PDE10A: variants seen among roughly 807,000 people sequenced by gnomAD.
PDE10A encodes the protein cAMP and cAMP-inhibited cGMP 3',5'-cyclic phosphodiesterase 10A.
A neutral mutation model predicts 97.7 loss-of-function variants in PDE10A; 39 were observed. The ratio of observed to expected loss-of-function variants is 0.40; its 90% CI spans 0.31 to 0.52. The LOEUF (loss-of-function observed/expected upper bound fraction) is 0.52. PDE10A is among the 20% of genes least tolerant of loss of function. The probability of loss-of-function intolerance (pLI) is 0.56; values close to 1 mark genes in which losing one functional copy is unlikely to be tolerated. For missense variants in PDE10A, 731 were observed against 1,047.8 expected (o/e 0.70, Z 4.17); for synonymous variants, 371 against 376.8 (o/e 0.98, Z 0.18).
chr6:165,733,828 A>G (rs951195545), intron 1 of PDE10A, among the ~76,000 whole-genome samples: 1 of 152,130 alleles, frequency 6.6e-6, no homozygotes, highest in African/African-American at 2.4e-5. Flanking sequence ...CTATCTATAA[A>G]GTTATTGTAT....
At chr6:165,752,065 C>A (rs1270607618) in intron 1 of PDE10A, among the ~76,000 whole-genome samples, 1 of 140,808 alleles carries the variant, frequency 7.1e-6, no homozygotes, top group East Asian at 2.1e-4. Flanking sequence ...ATGATGTGAA[C>A]CCGGGAGCCG....
intron 1 of PDE10A, among the ~76,000 whole-genome samples, chr6:165,581,245 A>G (rs1785600569): frequency 6.6e-6 from 1 of 152,202 alleles, no homozygotes; most frequent in Non-Finnish European, 1.5e-5. Context: ...TGACAGAAGA[A>G]CAGTGCTATG....
chr6:165,928,497 G>A lies in PDE10A; in HGVS notation c.-615+59032C>T, dbSNP rs1412991442. Among the ~76,000 whole-genome samples the A allele has an allele frequency of 2.6e-5, 4 of 152,274 alleles. No individual in the cohort carries two copies. The East Asian group carries it at 7.7e-4, about 29-fold the overall frequency. ...CCAGGCATGGGGTGTGAGCTGCTCA[G>A]CCCCTCATGCTCGACTTGAGCTGGT... On this transcript the variant is annotated intron_variant, in intron 1 of 19. Coordinates refer to the PDE10A transcript ENST00000366882.
chr6:165,637,758 T>C (rs1190076488), intron 1 of PDE10A, among the ~76,000 whole-genome samples: 1 of 151,448 alleles, frequency 6.6e-6, no homozygotes, highest in African/African-American at 2.4e-5. Flanking sequence ...GCGGGGCGCG[T>C]CCTCCCAGAT....
intron 18 of PDE10A, among the ~76,000 whole-genome samples, chr6:165,354,321 T>G (rs1334779523): frequency 6.6e-6 from 1 of 152,198 alleles, no homozygotes; most frequent in African/African-American, 2.4e-5. Context: ...TCAGCCATCC[T>G]GAATAAAGAA....
At chr6:165,482,565 C>T (rs1018663663) in intron 2 of PDE10A, among the ~76,000 whole-genome samples, 3 of 152,278 alleles carry the variant, frequency 2.0e-5, no homozygotes, top group East Asian at 1.9e-4. Context: ...ATACCACCAC[C>T]GCCTTACCTT....
chr6:165,388,551 A>G lies in PDE10A; in HGVS notation c.2455-98T>C, dbSNP rs756983522. 10 of 1,051,500 alleles carry G rather than the reference A, an allele frequency of 9.5e-6. No individual in the cohort carries two copies. Among genetic ancestry groups the G allele is most frequent in the Non-Finnish European group, 1.5e-5 (10 of 688,968 alleles). The allele number at this position is 1,051,500 out of a possible 1,614,324, so 65.1% of individuals were successfully genotyped here. On this transcript the variant is annotated intron_variant, in intron 16 of 21. Transcript: ENST00000539869. The surrounding 1 kb of genome is among the most constrained non-coding windows in gnomAD (Gnocchi z 4.0). ...CATGTCACATTACTTTCTGGCATTA[A>G]TATAGCACAAATACAGCATTCTGGC...
chr6:165,629,576 A>G (rs926159442), intron 1 of PDE10A, among the ~76,000 whole-genome samples: 4 of 138,126 alleles, frequency 2.9e-5, no homozygotes, highest in Non-Finnish European at 6.0e-5. Context: ...CCCAGGCTGG[A>G]GTGCAGGAGT....
chr6:165,550,529 T>A (rs535657509), intron 1 of PDE10A, among the ~76,000 whole-genome samples: 1 of 152,170 alleles, frequency 6.6e-6, no homozygotes, highest in Admixed American at 6.5e-5. Flanking sequence ...CTGTAATGCA[T>A]GTCATATGAG....
At chr6:165,727,239 C>T (rs1321693313) in intron 1 of PDE10A, among the ~76,000 whole-genome samples, 2 of 152,324 alleles carry the variant, frequency 1.3e-5, no homozygotes, top group South Asian at 2.1e-4. Context: ...GAAGCCACAC[C>T]GTTTTCCTCC....
chr6:165,795,384 G>A (rs947467837), intron 1 of PDE10A, among the ~76,000 whole-genome samples: 4 of 152,054 alleles, frequency 2.6e-5, no homozygotes, highest in African/African-American at 7.2e-5. Context: ...CGTGAGTGAC[G>A]GGAGCTACAC....
chr6:165,562,669 T>C (rs778348320), intron 1 of PDE10A, among the ~76,000 whole-genome samples: 3 of 152,264 alleles, frequency 2.0e-5, no homozygotes, highest in East Asian at 3.9e-4. Context: ...GTACTGACCA[T>C]GTTATAGTAG....
chr6:165,508,571 T>C (rs1781333631), intron 2 of PDE10A, among the ~76,000 whole-genome samples: 2 of 152,018 alleles, frequency 1.3e-5, no homozygotes, highest in South Asian at 2.1e-4. Flanking sequence ...ATGGGGCTCA[T>C]ATGCTCAGTG....
chr6:165,936,296 T>G (rs1303769508), intron 1 of PDE10A, among the ~76,000 whole-genome samples: 1 of 152,090 alleles, frequency 6.6e-6, no homozygotes, highest in Non-Finnish European at 1.5e-5. Flanking sequence ...GGAGGGAATG[T>G]GATGAACCAT....
intron 1 of PDE10A, among the ~76,000 whole-genome samples, chr6:165,987,176 TCGCTG>T: frequency 6.6e-6 from 1 of 152,308 alleles, no homozygotes; most frequent in Middle Eastern, 3.4e-3. Flanking sequence ...CGCGCAGCCC[TCGCTG>T]GGAACTTGGA....
At chr6:165,549,428 G>A (rs995539530) in intron 1 of PDE10A, among the ~76,000 whole-genome samples, 6 of 152,094 alleles carry the variant, frequency 3.9e-5, no homozygotes, top group Admixed American at 1.3e-4. Flanking sequence ...GGGTTTAAGG[G>A]AGTCTCCTGC....
chr6:165,929,803 T>A (rs1025550978), intron 1 of PDE10A, among the ~76,000 whole-genome samples: 1 of 152,202 alleles, frequency 6.6e-6, no homozygotes, highest in East Asian at 1.9e-4. Flanking sequence ...TCAGAGCTGC[T>A]GTCACCCAGG....
At chr6:165,909,583 T>C (rs1782397596) in intron 1 of PDE10A, among the ~76,000 whole-genome samples, 1 of 152,286 alleles carries the variant, frequency 6.6e-6, no homozygotes, top group East Asian at 1.9e-4. Context: ...GTTTGAGGGA[T>C]GTAACTGGCT....
chr6:165,632,835 C>A (rs1275696036), intron 1 of PDE10A, among the ~76,000 whole-genome samples: 1 of 152,122 alleles, frequency 6.6e-6, no homozygotes, highest in Non-Finnish European at 1.5e-5. Context: ...ACATTTCCTA[C>A]TGACATCTGT....
Sources: gnomAD v4.1 joint callset for allele counts (sites outside exome capture counted in the v4.1 genomes callset) on GRCh38, gnomAD v4.1.1 for gene constraint, Gnocchi (gnomAD v3.1) non-coding constraint, MANE v1.5 for transcripts, NCBI Gene and HGNC (gene_info 2026-07-23, HGNC 2026-07-21) for gene names.